SND1: variants seen among roughly 807,000 people sequenced by gnomAD.
SND1 encodes the protein staphylococcal nuclease domain-containing protein 1.
In SND1, 38 loss-of-function variants were observed where a neutral mutation model predicts 121.7. The observed-to-expected ratio is 0.31, with a 90% confidence interval of 0.24 to 0.41. The LOEUF (loss-of-function observed/expected upper bound fraction) is 0.41, where lower values mean the gene tolerates loss of function less well. SND1 is among the 10% of genes least tolerant of loss of function. The pLI is 1.00. For missense variants in SND1, 868 were observed against 1,184.6 expected (o/e 0.73, Z 3.92); for synonymous variants, 401 against 447.4 (o/e 0.90, Z 1.31).
intron 10 of SND1, among the ~76,000 whole-genome samples, chr7:127,774,460 C>T (rs1797577244): frequency 6.6e-6 from 1 of 152,172 alleles, no homozygotes; most frequent in Admixed American, 6.5e-5. Context: ...ATGTCTTAGG[C>T]CTTCACGTTC....
At chr7:127,756,290 T>C (rs1477110932) in intron 10 of SND1, among the ~76,000 whole-genome samples, 1 of 152,234 alleles carries the variant, frequency 6.6e-6, no homozygotes, top group African/African-American at 2.4e-5. Context: ...CATGTTCTTA[T>C]AAACTTGATA....
At chr7:127,772,847 A>G (rs1239335167) in intron 10 of SND1, among the ~76,000 whole-genome samples, 1 of 152,236 alleles carries the variant, frequency 6.6e-6, no homozygotes, top group Non-Finnish European at 1.5e-5. Flanking sequence ...CAAAGTGTCA[A>G]TCTCAGAATT....
chr7:127,844,490 G>T, intron 12 of SND1, 66 bp downstream of exon 12: 1 of 1,275,818 alleles, frequency 7.8e-7, no homozygotes, highest in Non-Finnish European at 1.1e-6. Flanking sequence ...TTGCTCATTT[G>T]AATCTTTCCT....
Position 127,652,728 on chromosome 7 carries a change from CT to C in SND1, c.78+278del, listed in dbSNP as rs200769091. 6.6e-5 allele frequency among the ~76,000 whole-genome samples: 10 copies of C among 152,362 alleles called. No individual in the cohort carries two copies. The East Asian group carries it at 1.9e-3, about 29-fold the overall frequency. Reference sequence around the variant, plus strand: ...TCTGTTTACCAGGACAGATCGATTACTGATTGATTAACAGAGACAATTCGTT... The same window carrying C: ...TCTGTTTACCAGGACAGATCGATTACGATTGATTAACAGAGACAATTCGTT... On this transcript the variant is annotated intron_variant, in intron 1 of 23. Transcript: ENST00000354725.
At chr7:127,906,213 G>A (rs1052186237) in intron 14 of SND1, among the ~76,000 whole-genome samples, 3 of 152,148 alleles carry the variant, frequency 2.0e-5, no homozygotes, top group Non-Finnish European at 2.9e-5. Context: ...AAAGTGATAT[G>A]CACTTTTTGT....
intron 17 of SND1, among the ~76,000 whole-genome samples, chr7:128,078,737 T>C (rs1793548898): frequency 6.6e-6 from 1 of 152,194 alleles, no homozygotes; most frequent in Admixed American, 6.5e-5. Context: ...TGTTCCGAAT[T>C]CATCAACACT....
At chr7:128,026,333 T>C (rs1234442352) in intron 16 of SND1, among the ~76,000 whole-genome samples, 1 of 152,220 alleles carries the variant, frequency 6.6e-6, no homozygotes, top group Non-Finnish European at 1.5e-5. Flanking sequence ...ACATATGTGC[T>C]GGCACACTGA....
chr7:128,086,829 G>A, intron 20 of SND1, 109 bp from the exon 21 acceptor site: 1 of 858,936 alleles, frequency 1.2e-6, no homozygotes, highest in Non-Finnish European at 1.9e-6. Context: ...GGGATGAACA[G>A]GGTGGCCCAG....
At chr7:127,820,155 T>C (rs982757875) in intron 11 of SND1, among the ~76,000 whole-genome samples, 18 of 152,222 alleles carry the variant, frequency 1.2e-4, no homozygotes, top group African/African-American at 3.9e-4. Flanking sequence ...ACAATTCAGT[T>C]AGTTACTGGG....
At chr7:127,882,633 G>T (rs1388209665) in intron 12 of SND1, among the ~76,000 whole-genome samples, 2 of 151,298 alleles carry the variant, frequency 1.3e-5, no homozygotes, top group Non-Finnish European at 3.0e-5. Context: ...GAAAGGGAGG[G>T]AGAGAAAGTG....
chr7:128,017,793 A>G (rs531110932), intron 16 of SND1, among the ~76,000 whole-genome samples: 23 of 152,358 alleles, frequency 1.5e-4, no homozygotes, highest in Non-Finnish European at 3.1e-4. Context: ...TAACAGGTTC[A>G]GGACAGCCAG....
intron 1 of SND1, among the ~76,000 whole-genome samples, chr7:127,656,025 C>T (rs1482500527): frequency 6.6e-6 from 1 of 152,188 alleles, no homozygotes; most frequent in East Asian, 1.9e-4. Context: ...CCCTCACCCA[C>T]TTAATTGCCT....
At chr7:127,744,504 T>G (rs1796943269) in intron 10 of SND1, among the ~76,000 whole-genome samples, 2 of 152,226 alleles carry the variant, frequency 1.3e-5, no homozygotes, top group South Asian at 4.1e-4. Flanking sequence ...GTTGCCTGAT[T>G]GGGCACTTAT....
chr7:127,858,172 G>A, intron 12 of SND1: 1 of 807,728 alleles, frequency 1.2e-6, no homozygotes. Context: ...CTAGGGCCTG[G>A]CACCCCAAAC....
At chr7:127,930,816 T>G (rs185602661) in intron 15 of SND1, among the ~76,000 whole-genome samples, 1 of 152,292 alleles carries the variant, frequency 6.6e-6, no homozygotes, top group East Asian at 1.9e-4. Flanking sequence ...ATATCCAGGT[T>G]TATTGCACTT....
At chr7:128,003,090 C>A (rs553334722) in intron 16 of SND1, among the ~76,000 whole-genome samples, 1 of 152,230 alleles carries the variant, frequency 6.6e-6, no homozygotes, top group African/African-American at 2.4e-5. Flanking sequence ...GGTGTGATGG[C>A]ACATCCCTGT....
At chr7:127,880,916 A>G (rs371034829) in intron 12 of SND1, among the ~76,000 whole-genome samples, 132 of 152,222 alleles carry the variant, frequency 8.7e-4, no homozygotes, top group Non-Finnish European at 1.8e-3. Context: ...CTATTTGACT[A>G]AGATAGCTTC....
At chr7:127,910,618 T>C (rs1177921700) in intron 14 of SND1, among the ~76,000 whole-genome samples, 3 of 152,194 alleles carry the variant, frequency 2.0e-5, no homozygotes, top group African/African-American at 4.8e-5. Context: ...TACCCTCATA[T>C]GATTCTAATG....
intron 18 of SND1, among the ~76,000 whole-genome samples, chr7:128,083,550 G>A (rs1439708182): frequency 6.6e-6 from 1 of 152,254 alleles, no homozygotes; most frequent in Non-Finnish European, 1.5e-5. Context: ...GAATTATTAA[G>A]CACCCTGCAT....
Sources: allele counts gnomAD v4.1 joint callset (sites outside exome capture counted in the v4.1 genomes callset), GRCh38; gene constraint gnomAD v4.1.1; transcripts MANE v1.5; gene names NCBI Gene and HGNC (gene_info 2026-07-23, HGNC 2026-07-21).